KCNMA1: variants seen among roughly 807,000 people sequenced by gnomAD.
KCNMA1 encodes potassium calcium-activated channel subfamily M alpha 1, also known as Calcium-activated potassium channel subunit alpha-1.
Under a neutral mutation model 140.0 loss-of-function variants are expected in KCNMA1, and 29 were observed. That is an observed-to-expected ratio of 0.21 (90% CI 0.15 to 0.28). KCNMA1 has a LOEUF of 0.28. Among genes scored for constraint, KCNMA1 ranks in the 10% least tolerant of loss-of-function variants. The pLI is 1.00. For synonymous variants in KCNMA1, 612 were observed against 611.9 expected, an observed-to-expected ratio of 1.00 and a Z score of 0.00; for missense variants, 880 against 1,602.2, an observed-to-expected ratio of 0.55 and a Z score of 7.70.
At chr10:77,436,796 T>C (rs1350865812) in intron 1 of KCNMA1, among the ~76,000 whole-genome samples, 3 of 152,174 alleles carry the variant, frequency 2.0e-5, no homozygotes, top group Non-Finnish European at 2.9e-5. Context: ...GACATGAATA[T>C]ACATAAATGC....
chr10:76,986,824 G>C (rs1592841247), intron 19 of KCNMA1, among the ~76,000 whole-genome samples: 1 of 152,280 alleles, frequency 6.6e-6, no homozygotes, highest in African/African-American at 2.4e-5. Context: ...AATGACATAT[G>C]GAAGGAGAAA....
rs560782860 is a variant in KCNMA1, at chr10:77,402,653, C to T, written c.540+1209G>A. 5.3e-4 allele frequency among the ~76,000 whole-genome samples: 81 copies of T among 152,164 alleles called. 1 individual carries two copies. The highest frequency in any genetic ancestry group is 7.8e-4 in the Non-Finnish European group (53 of 68,042). On this transcript the variant is annotated intron_variant, in intron 2 of 27. Coordinates refer to ENST00000286628, the MANE Select transcript of KCNMA1 (RefSeq NM_001161352.2). The stretch of plus-strand genomic sequence containing the variant: ...GATCCCAGACATAACATTGAGTTCT[C>T]CCCAAGAAGGATTCTGAGAAGTGAA...
intron 2 of KCNMA1, chr10:77,315,359 G>A (rs754484435): frequency 1.4e-4 from 22 of 152,170 alleles, no homozygotes; most frequent in Admixed American, 3.3e-4. Context: ...TGTGAGTCTC[G>A]TACAGAGCAT....
intron 1 of KCNMA1, among the ~76,000 whole-genome samples, chr10:77,413,196 A>ATTTTATGTC: frequency 6.6e-6 from 1 of 152,260 alleles, no homozygotes; most frequent in Middle Eastern, 3.4e-3. Context: ...GTTTCATGAC[A>ATTTTATGTC]ATAACTATGA....
intron 20 of KCNMA1, among the ~76,000 whole-genome samples, chr10:76,965,340 T>A (rs2153097213): frequency 6.6e-6 from 1 of 152,292 alleles, no homozygotes; most frequent in Non-Finnish European, 1.5e-5. Flanking sequence ...CCTGAATGGC[T>A]TAGCACACAA....
intron 21 of KCNMA1, among the ~76,000 whole-genome samples, chr10:76,951,010 T>C (rs1197274202): frequency 6.6e-6 from 1 of 152,168 alleles, no homozygotes; most frequent in Non-Finnish European, 1.5e-5. Flanking sequence ...AACCAGTCTA[T>C]AAAGCACTGT....
chr10:77,079,478 T>A lies in KCNMA1; in HGVS notation c.1593+3A>T. ...GACCTGGAGCGGGCTCTCGCACTCC[T>A]ACCTTGTTGTGATACTGCAGCATTT... On this transcript the variant is annotated splice_donor_region_variant and intron_variant, in intron 13 of 27. Transcript: ENST00000286628. The A allele has an allele frequency of 6.2e-7, 1 of 1,606,948 alleles. No homozygotes were observed. Among genetic ancestry groups the A allele is most frequent in the Non-Finnish European group, 8.5e-7 (1 of 1,173,846 alleles).
intron 29 of KCNMA1, chr10:76,877,962 T>G: frequency 6.7e-7 from 1 of 1,485,420 alleles, no homozygotes; most frequent in South Asian, 1.2e-5. Context: ...GGGTAAAGCC[T>G]TTGGAAAGTT....
intron 3 of KCNMA1, among the ~76,000 whole-genome samples, chr10:77,217,918 A>ATTCTTTAC: frequency 6.6e-6 from 1 of 152,338 alleles, no homozygotes; most frequent in East Asian, 1.9e-4. Context: ...TCATGAGACC[A>ATTCTTTAC]AAATGCTTTA....
intron 2 of KCNMA1, among the ~76,000 whole-genome samples, chr10:77,386,386 G>A (rs2095604074): frequency 6.6e-6 from 1 of 152,236 alleles, no homozygotes; most frequent in Non-Finnish European, 1.5e-5. Context: ...CCATTATGCT[G>A]GAAGGGGAAG....
At chr10:77,442,298 T>C (rs1340772531) in intron 1 of KCNMA1, among the ~76,000 whole-genome samples, 2 of 151,820 alleles carry the variant, frequency 1.3e-5, no homozygotes, top group African/African-American at 4.8e-5. Flanking sequence ...GAGCAAATGT[T>C]CCCAGTGCCT....
chr10:76,998,472 T>C (rs2085110875), intron 19 of KCNMA1, among the ~76,000 whole-genome samples: 1 of 152,134 alleles, frequency 6.6e-6, no homozygotes, highest in African/African-American at 2.4e-5. Context: ...ATGAGTGTCT[T>C]GGGAAACAAT....
chr10:77,598,653 CAG>C (rs1567784303), intron 1 of KCNMA1, among the ~76,000 whole-genome samples: 1 of 152,228 alleles, frequency 6.6e-6, no homozygotes, highest in African/African-American at 2.4e-5. Context: ...AAGTCAGACT[CAG>C]AGGAGCAGTG....
intron 2 of KCNMA1, among the ~76,000 whole-genome samples, chr10:77,276,353 T>C (rs1001170733): frequency 3.3e-5 from 5 of 152,208 alleles, no homozygotes; most frequent in African/African-American, 1.2e-4. Flanking sequence ...ACTCAGAATC[T>C]TGAGCCAGTT....
intron 1 of KCNMA1, among the ~76,000 whole-genome samples, chr10:77,490,859 G>A (rs2098523560): frequency 6.6e-6 from 1 of 152,106 alleles, no homozygotes; most frequent in Non-Finnish European, 1.5e-5. Flanking sequence ...TCCTTATAGG[G>A]CTGCCACGTA....
At chr10:77,511,167 C>A (rs1421304026) in intron 1 of KCNMA1, among the ~76,000 whole-genome samples, 1 of 152,240 alleles carries the variant, frequency 6.6e-6, no homozygotes, top group East Asian at 1.9e-4. Flanking sequence ...GCCTCAGTTT[C>A]TGATTCAGCA....
intron 22 of KCNMA1, among the ~76,000 whole-genome samples, chr10:76,945,649 A>T (rs1028493339): frequency 2.6e-5 from 4 of 152,232 alleles, no homozygotes; most frequent in Non-Finnish European, 4.4e-5. Flanking sequence ...GGAATGGAGA[A>T]ATATACTTTT....
intron 20 of KCNMA1, among the ~76,000 whole-genome samples, chr10:76,960,416 G>A (rs2070638593): frequency 6.6e-6 from 1 of 151,894 alleles, no homozygotes; most frequent in African/African-American, 2.4e-5. Context: ...GTGCACGCCT[G>A]CAGTCCCAGG....
At chr10:77,500,516 C>T (rs889487767) in intron 1 of KCNMA1, among the ~76,000 whole-genome samples, 1 of 152,120 alleles carries the variant, frequency 6.6e-6, no homozygotes, top group Middle Eastern at 3.4e-3. Flanking sequence ...AGGAGTGATG[C>T]CAAGTTAAAG....
Sources: gnomAD v4.1 joint callset for allele counts (sites outside exome capture counted in the v4.1 genomes callset) on GRCh38, gnomAD v4.1.1 for gene constraint, MANE v1.5 for transcripts, NCBI Gene and HGNC (gene_info 2026-07-23, HGNC 2026-07-21) for gene names.